The following DDO variants were observed in gnomAD, a reference collection of about 807,000 sequenced individuals.
DDO encodes the protein D-aspartate oxidase, also known as D-aspartate oxidase, DDO.
In DDO, 16 loss-of-function variants were observed where a neutral mutation model predicts 16.8. The ratio of observed to expected loss-of-function variants is 0.95; its 90% CI spans 0.65 to 1.45. DDO has a LOEUF of 1.45. Among genes scored for constraint, DDO ranks in the 40% most tolerant of loss-of-function variants. The pLI is 0.00. For missense variants in DDO, 429 were observed against 420.3 expected (o/e 1.02, Z -0.18); for synonymous variants, 180 against 167.2 (o/e 1.08, Z -0.59).
intron 4 of DDO, among the ~76,000 whole-genome samples, chr6:110,396,918 A>G (rs1773308798): frequency 6.6e-6 from 1 of 152,202 alleles, no homozygotes; most frequent in South Asian, 2.1e-4. Context: ...TGGCATAGAA[A>G]GAAAAGTAAA....
intron 4 of DDO, among the ~76,000 whole-genome samples, chr6:110,398,429 T>TAAAAACACACCA (rs1222174948): frequency 1.9e-4 from 27 of 144,862 alleles, no homozygotes; most frequent in African/African-American, 7.1e-4. Flanking sequence ...CACACACACT[T>TAAAAACACACCA]GGCCTCCCAG....
intron 4 of DDO, 27 bp from the exon 5 acceptor site, chr6:110,393,369 T>C (rs1176097669): frequency 6.5e-7 from 1 of 1,543,188 alleles, no homozygotes; most frequent in African/African-American, 1.4e-5. Flanking sequence ...ATGAAGTGAA[T>C]ATTTGTTAGC....
At chr6:110,415,435 G>C (rs371967226) in intron 1 of DDO, 32 bp downstream of exon 1, 2 of 1,612,902 alleles carry the variant, frequency 1.2e-6, no homozygotes, top group Non-Finnish European at 1.7e-6. Flanking sequence ...TGGACGGAAC[G>C]ACCCCTCAGC....
At chr6:110,397,561 T>C (rs750862403) in intron 4 of DDO, among the ~76,000 whole-genome samples, 3 of 152,248 alleles carry the variant, frequency 2.0e-5, no homozygotes, top group Non-Finnish European at 2.9e-5. Flanking sequence ...CTCACTGAAA[T>C]TGTTTCCTAG....
chr6:110,390,622 C>A (rs1166386901), downstream of DDO, among the ~76,000 whole-genome samples: 1 of 152,110 alleles, frequency 6.6e-6, no homozygotes, highest in African/African-American at 2.4e-5. Context: ...GGTGAGCCCA[C>A]AACACACAAT....
chr6:110,413,483 G>A lies in DDO; in HGVS notation c.-4-17C>T. The A allele has an allele frequency of 1.2e-6, 2 of 1,610,978 alleles. No individual in the cohort carries two copies. The highest frequency in any genetic ancestry group is 1.7e-6 in the Non-Finnish European group (2 of 1,178,920). On this transcript the variant is annotated splice_polypyrimidine_tract_variant and intron_variant, in intron 1 of 4. Coordinates refer to ENST00000368924, the MANE Select transcript of DDO (RefSeq NM_001372108.2). ...TCCATGAGCCTGTGAGGAGGGAAATGGGAGCTATACCCCTTGTTTTAAGGA... is the reference window on the plus strand; with the variant it reads ...TCCATGAGCCTGTGAGGAGGGAAATAGGAGCTATACCCCTTGTTTTAAGGA...
Position 110,415,468 on chromosome 6 carries a change from T to C in DDO, c.-6A>G. On this transcript the variant is annotated splice_region_variant and 5_prime_UTR_variant, in exon 1 of 5. Transcript: ENST00000368924. Reference sequence around the variant, plus strand: ...AGCTGAAAGCAAGAATTCAAGTACCTGTCTCTGAAAAAGCAGTCTTGGAAG... The same window carrying C: ...AGCTGAAAGCAAGAATTCAAGTACCCGTCTCTGAAAAAGCAGTCTTGGAAG... 1 of 1,614,178 alleles carries C rather than the reference T, an allele frequency of 6.2e-7. No individual in the cohort carries two copies.
intron 4 of DDO, among the ~76,000 whole-genome samples, chr6:110,396,493 C>T (rs1026008026): frequency 6.6e-6 from 1 of 152,202 alleles, no homozygotes; most frequent in Non-Finnish European, 1.5e-5. Flanking sequence ...CTTCAAACAA[C>T]AGAACCTAAA....
At chr6:110,396,245 T>C (rs1773287663) in intron 4 of DDO, among the ~76,000 whole-genome samples, 1 of 152,226 alleles carries the variant, frequency 6.6e-6, no homozygotes. Context: ...CTGCTCAGTC[T>C]CTTCACACTC....
Position 110,392,902 on chromosome 6 carries a change from A to G in DDO, c.899T>C (p.Val300Ala), listed in dbSNP as rs1271436343. The change falls in exon 5 of 5, where the codon GTA becomes GCA. Residue 300 changes from valine (V) to alanine (A), a missense_variant. Coordinates refer to ENST00000368924, the MANE Select transcript of DDO (RefSeq NM_001372108.2). ...LLARDGQRLP[V>A]VHHYGHGSGG... ...ACTCCCATGGCCATAGTGGTGGACT[A>G]CAGGCAGCCTCTGTCCATCTCGCGC... 6.2e-7 allele frequency: 1 copy of G among 1,614,232 alleles called. No homozygotes were observed. The highest frequency in any genetic ancestry group is 8.5e-7 in the Non-Finnish European group (1 of 1,180,032).
downstream of DDO, among the ~76,000 whole-genome samples, chr6:110,390,225 G>A (rs1018853730): frequency 6.6e-6 from 1 of 152,196 alleles, no homozygotes; most frequent in Non-Finnish European, 1.5e-5. Context: ...GGGCCTAGAA[G>A]GAGGGGAGGG....
intron 4 of DDO, among the ~76,000 whole-genome samples, chr6:110,398,589 G>A (rs919025458): frequency 3.3e-5 from 5 of 152,180 alleles, no homozygotes; most frequent in Non-Finnish European, 7.3e-5. Context: ...GGCTGGCAGC[G>A]GGGACAGGGG....
intron 4 of DDO, among the ~76,000 whole-genome samples, chr6:110,396,189 G>C (rs544137104): frequency 1.7e-4 from 26 of 152,344 alleles, no homozygotes; most frequent in African/African-American, 6.3e-4. Flanking sequence ...CATCTTTGCA[G>C]TTCTCTGCAT....
In DDO at chr6:110,393,130, A is replaced by G; in HGVS notation, c.671T>C (p.Ile224Thr). 6.2e-7 allele frequency: 1 copy of G among 1,614,128 alleles called. No homozygotes were observed. The highest frequency in any genetic ancestry group is 8.5e-7 in the Non-Finnish European group (1 of 1,179,944). ...FIRDGSGLTYIYPGTSHVTLG... is the reference protein window; with the variant it reads ...FIRDGSGLTYTYPGTSHVTLG... ...GGTTACATGGGATGTACCAGGATAA[A>G]TATATGTCAGCCCACTGCCATCTCG... Residue 224 changes from isoleucine (I) to threonine (T), a missense_variant, in exon 5 of 5, where the codon ATT becomes ACT. Coordinates refer to ENST00000368924, the MANE Select transcript of DDO (RefSeq NM_001372108.2).
At chr6:110,389,272 A>G (rs927360230), downstream of DDO, among the ~76,000 whole-genome samples, 1 of 152,182 alleles carries the variant, frequency 6.6e-6, no homozygotes, top group African/African-American at 2.4e-5. Flanking sequence ...TCGGGCATTC[A>G]GGCTTGGACT....
At chr6:110,407,466 G>T (rs1582487649) in intron 3 of DDO, among the ~76,000 whole-genome samples, 1 of 152,168 alleles carries the variant, frequency 6.6e-6, no homozygotes, top group African/African-American at 2.4e-5. Flanking sequence ...TTCACCCAAT[G>T]CAAGTGTGTA....
At chr6:110,406,171 G>A (rs1480871635) in intron 3 of DDO, among the ~76,000 whole-genome samples, 1 of 152,060 alleles carries the variant, frequency 6.6e-6, no homozygotes, top group Non-Finnish European at 1.5e-5. Flanking sequence ...GCACTTAGAA[G>A]GTTATATCTC....
At chr6:110,411,458 T>TAG (rs1773855193) in intron 2 of DDO, among the ~76,000 whole-genome samples, 1 of 152,192 alleles carries the variant, frequency 6.6e-6, no homozygotes, top group South Asian at 2.1e-4. Flanking sequence ...AAACTGTTAT[T>TAG]AGTATCTTCA....
At chr6:110,398,273 T>A (rs1189670134) in intron 4 of DDO, among the ~76,000 whole-genome samples, 1 of 152,012 alleles carries the variant, frequency 6.6e-6, no homozygotes, top group East Asian at 1.9e-4. Context: ...AGGAGGATGG[T>A]CATCCTCAGC....
Sources: allele counts gnomAD v4.1 joint callset (sites outside exome capture counted in the v4.1 genomes callset), GRCh38; gene constraint gnomAD v4.1.1; transcripts MANE v1.5; gene names NCBI Gene and HGNC (gene_info 2026-07-23, HGNC 2026-07-21).